CAPN9: variants seen among roughly 807,000 people sequenced by gnomAD.
CAPN9 encodes calpain-9.
A neutral mutation model predicts 92.8 loss-of-function variants in CAPN9; 81 were observed. The ratio of observed to expected loss-of-function variants is 0.87; its 90% CI spans 0.73 to 1.05. The LOEUF (loss-of-function observed/expected upper bound fraction) is 1.05, where lower values mean the gene tolerates loss of function less well. Among genes scored for constraint, CAPN9 ranks in the 50% least tolerant of loss-of-function variants. The pLI is 0.00. For synonymous variants in CAPN9, 304 were observed against 328.0 expected, an observed-to-expected ratio of 0.93 and a Z score of 0.79; for missense variants, 848 against 866.2, an observed-to-expected ratio of 0.98 and a Z score of 0.26.
chr1:230,766,521 A>G (rs1665993985), intron 4 of CAPN9, among the ~76,000 whole-genome samples: 1 of 152,214 alleles, frequency 6.6e-6, no homozygotes, highest in Admixed American at 6.5e-5. Flanking sequence ...AAAACCGTCA[A>G]GGTCATCAAA....
At chr1:230,788,516 G>A (rs936516024) in intron 13 of CAPN9, among the ~76,000 whole-genome samples, 3 of 152,186 alleles carry the variant, frequency 2.0e-5, no homozygotes, top group Admixed American at 2.0e-4. Flanking sequence ...TTAGCTTCAT[G>A]TGTTTCCCCA....
intron 18 of CAPN9, among the ~76,000 whole-genome samples, chr1:230,796,793 C>G (rs571343165): frequency 2.6e-4 from 39 of 152,276 alleles, no homozygotes; most frequent in African/African-American, 8.9e-4. Context: ...CTAAACCACC[C>G]AGGTGTAATC....
intron 13 of CAPN9, among the ~76,000 whole-genome samples, chr1:230,788,458 A>G (rs1667758463): frequency 6.6e-6 from 1 of 152,166 alleles, no homozygotes; most frequent in African/African-American, 2.4e-5. Flanking sequence ...GGAGCCATAA[A>G]TACAATGAGC....
chr1:230,760,691 C>G (rs1400469657), intron 3 of CAPN9, among the ~76,000 whole-genome samples: 1 of 152,142 alleles, frequency 6.6e-6, no homozygotes, highest in African/African-American at 2.4e-5. Flanking sequence ...CACAGACCTG[C>G]CACCACCTGG....
intron 14 of CAPN9, 181 bp downstream of exon 14, chr1:230,790,370 A>G: frequency 6.3e-6 from 6 of 954,826 alleles, no homozygotes; most frequent in Non-Finnish European, 7.5e-6. Context: ...GCAGGTTTAT[A>G]GTAGAAAATT....
In CAPN9 at chr1:230,780,531, A is replaced by T. The variant is rs1469747753; in HGVS notation, c.1304A>T (p.Asp435Val). ...GACAAAGACGAACACCTGAACAAAG[A>T]CTTCTTCAGATACCACGCTTCTCGG... The part of the protein sequence containing the change: ...CPDKDEHLNK[D>V]FFRYHASRAR... The change falls in exon 11 of 20, where the codon GAC (aspartate) becomes GTC (valine). Residue 435 changes from aspartate to valine, a missense_variant. Asp to Val is a radical substitution (Grantham distance 152, BLOSUM62 -3). Coordinates refer to ENST00000271971, the MANE Select transcript of CAPN9 (RefSeq NM_006615.3). The T allele has an allele frequency of 6.2e-7, 1 of 1,613,888 alleles. No individual in the cohort carries two copies. The highest frequency in any genetic ancestry group is 8.5e-7 in the Non-Finnish European group (1 of 1,179,992).
chr1:230,782,135 A>G (rs2102902234), intron 11 of CAPN9, among the ~76,000 whole-genome samples: 1 of 152,320 alleles, frequency 6.6e-6, no homozygotes, highest in African/African-American at 2.4e-5. Flanking sequence ...TAGTGGGGTG[A>G]GCTCAGAGTC....
Position 230,792,427 on chromosome 1 carries a change from C to A in CAPN9, c.1724C>A (p.Thr575Asn), listed in dbSNP as rs755991630. 1.9e-6 allele frequency: 3 copies of A among 1,613,782 alleles called. No individual in the cohort carries two copies. The Admixed American group carries it at 5.0e-5, about 27-fold the overall frequency. Residue 575 changes from threonine to asparagine, a missense_variant and splice_region_variant, in exon 16 of 20, where the codon ACC becomes AAC. By Grantham distance (65) the Thr-to-Asn change is moderately conservative (BLOSUM62 0). Coordinates refer to ENST00000271971, the MANE Select transcript of CAPN9 (RefSeq NM_006615.3). ...TCTCCCTTAACCCACATGGCACAGA[C>A]CAGCGGCAATGGGAAGCTGGAGTTT... ...SCKNIISLMD[T>N]SGNGKLEFDE...
chr1:230,781,449 T>G (rs1667220959), intron 11 of CAPN9, among the ~76,000 whole-genome samples: 1 of 152,212 alleles, frequency 6.6e-6, no homozygotes, highest in Non-Finnish European at 1.5e-5. Context: ...AGCTCCAATT[T>G]AAATAAATGT....
Position 230,790,158 on chromosome 1 carries a change from T to TGAGTATG in CAPN9, c.1627_1633dup (p.Val545GlyfsTer25). The TGAGTATG allele has an allele frequency of 6.2e-7, 1 of 1,613,894 alleles. No individual in the cohort carries two copies. ...ACATGGAGGTGACAGCAGAGGAACT[T>TGAGTATG]GAGTATGTTTTAAATGCTGTGCTGC... On this transcript the variant is annotated frameshift_variant, in exon 14 of 20. Coordinates refer to ENST00000271971, the MANE Select transcript of CAPN9 (RefSeq NM_006615.3). LOFTEE classifies it high-confidence loss of function.
At chr1:230,773,917 G>A (rs1305670697) in intron 7 of CAPN9, among the ~76,000 whole-genome samples, 3 of 152,150 alleles carry the variant, frequency 2.0e-5, no homozygotes, top group South Asian at 2.1e-4. Context: ...CAATGAACTT[G>A]GAGTCACAAA....
chr1:230,750,724 A>G (rs2493154), intron 1 of CAPN9, among the ~76,000 whole-genome samples: 111,009 of 152,040 alleles, frequency 0.73, 40,927 homozygotes, highest in African/African-American at 0.8. Context: ...ACACAGCTGT[A>G]CTTGGGGAGG....
intron 5 of CAPN9, 126 bp downstream of exon 5, chr1:230,767,835 A>T: frequency 3.9e-6 from 3 of 778,038 alleles, no homozygotes; most frequent in Non-Finnish European, 4.1e-6. Context: ...TCTTGGGGGC[A>T]GTGTTTATTC....
chr1:230,762,781 C>T lies in CAPN9; in HGVS notation c.531C>T (p.Tyr177=), dbSNP rs146363849. The change falls in exon 4 of 20, where the codon TAC becomes TAT. Residue 177 remains tyrosine, a synonymous_variant. Transcript: ENST00000271971. ...GGAGCGCCTTGCTGGAAAAAGCCTA[C>T]GCCAAGTGAGTGACAGCTTCCCCAG... is the stretch of plus-strand genomic sequence containing the variant. The part of the protein sequence containing the change: ...EFWSALLEKA[Y]AKLNGSYEAL... The T allele has an allele frequency of 1.4e-4, 233 of 1,613,818 alleles. No homozygotes were observed. In the African/African-American group the frequency reaches 1.6e-3, roughly 11 times the overall value.
chr1:230,794,283 A>G (rs1464368276), intron 17 of CAPN9, among the ~76,000 whole-genome samples: 13 of 152,120 alleles, frequency 8.5e-5, no homozygotes, highest in African/African-American at 3.1e-4. Flanking sequence ...GGAGTTTGAG[A>G]TCAGCCTGGC....
chr1:230,798,471 A>T (rs1192698661), intron 19 of CAPN9, among the ~76,000 whole-genome samples: 1 of 152,196 alleles, frequency 6.6e-6, no homozygotes, highest in African/African-American at 2.4e-5. Flanking sequence ...GCATAGAGAG[A>T]TTAATCACCT....
At chr1:230,762,882 C>A in intron 4 of CAPN9, 96 bp downstream of exon 4, 1 of 1,331,426 alleles carries the variant, frequency 7.5e-7, no homozygotes, top group Non-Finnish European at 1.0e-6. Context: ...AAAATCAGGG[C>A]TCTGGGTTTG....
At chr1:230,787,227 G>A (rs1667654297) in intron 12 of CAPN9, among the ~76,000 whole-genome samples, 2 of 152,204 alleles carry the variant, frequency 1.3e-5, no homozygotes, top group Non-Finnish European at 2.9e-5. Flanking sequence ...AGGGCAGGAA[G>A]CATGAAAATC....
chr1:230,798,278 G>A lies in CAPN9; in HGVS notation c.2046+58G>A, dbSNP rs865774105. On this transcript the variant is annotated intron_variant, in intron 19 of 19. Coordinates refer to ENST00000271971, the MANE Select transcript of CAPN9 (RefSeq NM_006615.3). ...CCAGCTGGGGCCCAGCAGAGTCCAC[G>A]CTGCATAGATGTTTGCCGAATGCTT... is the stretch of plus-strand genomic sequence containing the variant. 8 of 1,133,462 alleles carry A rather than the reference G, an allele frequency of 7.1e-6. No homozygotes were observed. In the Middle Eastern group the frequency reaches 7.8e-4, roughly 111 times the overall value. The allele number at this position is 1,133,462 out of a possible 1,614,324, so 70.2% of individuals were successfully genotyped here. A position where few individuals can be genotyped will look rare whatever the true frequency, so the allele number is the denominator to read the frequency against.
Sources: gnomAD v4.1 joint callset for allele counts (sites outside exome capture counted in the v4.1 genomes callset) on GRCh38, gnomAD v4.1.1 for gene constraint, MANE v1.5 for transcripts, NCBI Gene and HGNC (gene_info 2026-07-23, HGNC 2026-07-21) for gene names.